The following FARS2 variants were observed in gnomAD, a reference collection of about 807,000 sequenced individuals.
FARS2 encodes phenylalanyl-tRNA synthetase 2, mitochondrial, also known as phenylalanine--tRNA ligase, mitochondrial.
Under a neutral mutation model 46.4 loss-of-function variants are expected in FARS2, and 40 were observed. That is an observed-to-expected ratio of 0.86 (90% CI 0.67 to 1.12). The LOEUF is 1.12. Ranked by LOEUF, FARS2 falls within the 50% of genes most tolerant of loss-of-function variation. The pLI is 0.00. For synonymous variants in FARS2, 234 were observed against 214.9 expected (o/e 1.09, Z -0.78); for missense variants, 513 against 567.9 (o/e 0.90, Z 0.98).
chr6:5,305,875 G>C (rs1289994369), intron 1 of FARS2, among the ~76,000 whole-genome samples: 2 of 152,066 alleles, frequency 1.3e-5, no homozygotes, highest in Admixed American at 1.3e-4. Flanking sequence ...TAGTCAGATG[G>C]GGGTATGAAG....
chr6:5,316,246 T>C (rs1561952393), intron 1 of FARS2, among the ~76,000 whole-genome samples: 1 of 152,232 alleles, frequency 6.6e-6, no homozygotes, highest in Non-Finnish European at 1.5e-5. Context: ...GGAGTGCATT[T>C]CTCCTGTGTG....
At chr6:5,546,367 C>G (rs1770995785) in intron 5 of FARS2, among the ~76,000 whole-genome samples, 1 of 150,952 alleles carries the variant, frequency 6.6e-6, no homozygotes, top group Admixed American at 6.6e-5. Context: ...TCTCCTGCCT[C>G]AGCCTCCTGA....
rs116172646 is a variant in FARS2, at chr6:5,624,740, G to A, written c.1217+11420G>A. Among the ~76,000 whole-genome samples the A allele has an allele frequency of 7.6e-3, 1,150 of 152,178 alleles. 10 individuals are homozygous for A. The highest frequency in any genetic ancestry group is 0.021 in the African/African-American group (860 of 41,530). ...CCCACCCCCTCATGATTAGATTCAA[G>A]CAAGTTAAACACACACCAAGAGCAA... On this transcript the variant is annotated intron_variant, in intron 6 of 6. Coordinates refer to ENST00000274680, the MANE Select transcript of FARS2 (RefSeq NM_006567.5).
upstream of FARS2, chr6:5,260,742 G>GA (rs561083109): frequency 4.5e-3 from 6,888 of 1,515,736 alleles, 119 homozygotes; most frequent in African/African-American, 0.053. Context: ...ATTTTGGAAA[G>GA]AAAAAAAAAT....
At chr6:5,723,720 A>T (rs1008550069) in intron 6 of FARS2, among the ~76,000 whole-genome samples, 2 of 152,238 alleles carry the variant, frequency 1.3e-5, no homozygotes, top group South Asian at 2.1e-4. Context: ...GAATGTTTGA[A>T]TTAAATTCTC....
chr6:5,334,973 TTTCTA>T (rs1771056087), intron 1 of FARS2, among the ~76,000 whole-genome samples: 1 of 152,170 alleles, frequency 6.6e-6, no homozygotes, highest in Non-Finnish European at 1.5e-5. Flanking sequence ...GAAGCAAAGC[TTTCTA>T]TCCATAAATT....
intron 4 of FARS2, among the ~76,000 whole-genome samples, chr6:5,506,788 A>G (rs74902247): frequency 0.092 from 14,068 of 152,292 alleles, 774 homozygotes; most frequent in Admixed American, 0.15. Context: ...GAAAACAGCT[A>G]GATGGAGAAT....
At chr6:5,596,300 C>G (rs1387213048) in intron 5 of FARS2, among the ~76,000 whole-genome samples, 4 of 152,210 alleles carry the variant, frequency 2.6e-5, no homozygotes, top group African/African-American at 4.8e-5. Context: ...CGCTCATTAA[C>G]CGTGCACCCC....
rs1386716590 is a variant in FARS2, at chr6:5,399,168, TATTATTATCATC to T, written c.613-5371_613-5360del. On this transcript the variant is annotated intron_variant, in intron 2 of 6. Coordinates refer to ENST00000274680, the MANE Select transcript of FARS2 (RefSeq NM_006567.5). ...TTATTATTATTATTATTATTATTAT[TATTATTATCATC>T]ATCATCATCATCGAGACGGAGTCTC... Among the ~76,000 whole-genome samples the T allele has an allele frequency of 2.5e-5, 3 of 118,540 alleles. No individual in the cohort carries two copies. The East Asian group carries it at 8.0e-4, about 31-fold the overall frequency. 77.8% of individuals were successfully genotyped at this position (118,540 alleles called of 152,430 possible).
Position 5,728,285 on chromosome 6 carries a change from TGCTAA to T in FARS2, c.1218-43005_1218-43001del, listed in dbSNP as rs1760397104. ...TAGCTGGGAATGGGCTGGTTTGGCT[TGCTAA>T]TGTGCTTAGAAGGGTCTTGAGTGCT... On this transcript the variant is annotated intron_variant, in intron 6 of 6. Coordinates refer to ENST00000274680, the MANE Select transcript of FARS2 (RefSeq NM_006567.5). Among the ~76,000 whole-genome samples, 19 of 152,174 alleles carry T rather than the reference TGCTAA, an allele frequency of 1.2e-4. 1 individual carries two copies. In the East Asian group the frequency reaches 3.6e-3, roughly 29 times the overall value.
At chr6:5,510,477 G>C (rs951525522) in intron 4 of FARS2, among the ~76,000 whole-genome samples, 5 of 151,740 alleles carry the variant, frequency 3.3e-5, no homozygotes, top group African/African-American at 4.8e-5. Flanking sequence ...AGCCTGGCCT[G>C]TCTTTCGCCC....
intron 5 of FARS2, among the ~76,000 whole-genome samples, chr6:5,546,390 A>G (rs1051917725): frequency 2.6e-5 from 4 of 151,054 alleles, no homozygotes; most frequent in African/African-American, 2.4e-5. Context: ...AGCTGGGATT[A>G]CAGGCGCCCA....
intron 1 of FARS2, among the ~76,000 whole-genome samples, chr6:5,290,051 G>A (rs1767395424): frequency 6.6e-6 from 1 of 152,106 alleles, no homozygotes; most frequent in African/African-American, 2.4e-5. Flanking sequence ...TTAAATAATG[G>A]TGTTTTAAAG....
At chr6:5,263,463 GA>G (rs1291089684) in intron 1 of FARS2, among the ~76,000 whole-genome samples, 1 of 152,144 alleles carries the variant, frequency 6.6e-6, no homozygotes, top group Non-Finnish European at 1.5e-5. Flanking sequence ...GAGGCTAAAA[GA>G]AAATAATCAT....
intron 1 of FARS2, among the ~76,000 whole-genome samples, chr6:5,325,131 C>T (rs758996228): frequency 6.6e-6 from 1 of 152,180 alleles, no homozygotes; most frequent in Non-Finnish European, 1.5e-5. Context: ...TTGGCTACTC[C>T]ACAGATGCAC....
At chr6:5,426,821 T>C (rs1291938990) in intron 3 of FARS2, among the ~76,000 whole-genome samples, 1 of 152,166 alleles carries the variant, frequency 6.6e-6, no homozygotes, top group Non-Finnish European at 1.5e-5. Context: ...AGATGGGGTT[T>C]CACCATGTTG....
At chr6:5,688,316 A>C (rs962842907) in intron 6 of FARS2, among the ~76,000 whole-genome samples, 3 of 152,216 alleles carry the variant, frequency 2.0e-5, no homozygotes, top group Non-Finnish European at 4.4e-5. Flanking sequence ...TTGCCCATTC[A>C]GTATGAAATT....
intron 6 of FARS2, among the ~76,000 whole-genome samples, chr6:5,722,289 A>T (rs1759963170): frequency 6.6e-6 from 1 of 152,236 alleles, no homozygotes; most frequent in African/African-American, 2.4e-5. Flanking sequence ...AATCCCTGAA[A>T]GGGTTTTGGA....
intron 1 of FARS2, among the ~76,000 whole-genome samples, chr6:5,367,137 T>G (rs1209171359): frequency 1.3e-5 from 2 of 152,226 alleles, no homozygotes; most frequent in African/African-American, 4.8e-5. Flanking sequence ...CTAGATTTCC[T>G]CAGTTCCAAT....
Sources: allele counts gnomAD v4.1 joint callset (sites outside exome capture counted in the v4.1 genomes callset), GRCh38; gene constraint gnomAD v4.1.1; transcripts MANE v1.5; gene names NCBI Gene and HGNC (gene_info 2026-07-23, HGNC 2026-07-21).